Variants in DPCD observed in about 807,000 individuals in gnomAD.
DPCD encodes deleted in primary ciliary dyskinesia homolog (mouse), also known as protein DPCD.
A neutral mutation model predicts 26.4 loss-of-function variants in DPCD; 20 were observed. The observed-to-expected ratio is 0.76, with a 90% CI of 0.53 to 1.10. The LOEUF (loss-of-function observed/expected upper bound fraction) is 1.10. DPCD is among the 50% of genes least tolerant of loss of function. DPCD has a pLI of 0.00. For missense variants in DPCD, 202 were observed against 253.9 expected (o/e 0.80, Z 1.39); for synonymous variants, 97 against 94.2 (o/e 1.03, Z -0.17).
At chr10:101,601,017 C>T (rs964222761) in intron 3 of DPCD, among the ~76,000 whole-genome samples, 155 bp downstream of exon 3, 3 of 152,132 alleles carry the variant, frequency 2.0e-5, no homozygotes, top group South Asian at 2.1e-4. Context: ...TGAATGAATA[C>T]AGACATTTTG....
At chr10:101,596,409 A>G (rs987013213) in intron 2 of DPCD, among the ~76,000 whole-genome samples, 1 of 152,212 alleles carries the variant, frequency 6.6e-6, no homozygotes, top group Admixed American at 6.5e-5. Context: ...TACATTTGGA[A>G]AAAATGGAAG....
Position 101,601,488 on chromosome 10 carries a change from C to A in DPCD, c.404+152C>A. The A allele has an allele frequency of 1.2e-5, 2 of 170,892 alleles. 1 individual carries two copies. The highest frequency in any genetic ancestry group is 2.5e-5 in the Non-Finnish European group (2 of 81,134). The allele number at this position is 170,892 out of a possible 1,614,324, so 10.6% of individuals were successfully genotyped here. On this transcript the variant is annotated intron_variant, in intron 4 of 5. Coordinates refer to ENST00000370151, the MANE Select transcript of DPCD (RefSeq NM_015448.3). Reference sequence around the variant, plus strand: ...TGGAAGGGCTTCCTCTCTGCAGGACCGGCCTGAATAATGTAATCAGCTCCA... The same window carrying A: ...TGGAAGGGCTTCCTCTCTGCAGGACAGGCCTGAATAATGTAATCAGCTCCA...
chr10:101,608,725 TGTGTGGAAG>T (rs1351352869), intron 4 of DPCD, 101 bp from the exon 5 acceptor site: 11 of 710,566 alleles, frequency 1.5e-5, no homozygotes, highest in Non-Finnish European at 1.5e-5. Context: ...CCTCTCTGCG[TGTGTGGAAG>T]GTGTGGAAGA....
chr10:101,605,228 C>T lies in DPCD; in HGVS notation c.405-3607C>T, dbSNP rs551010696. 17 of 1,549,718 alleles carry T rather than the reference C, an allele frequency of 1.1e-5. No homozygotes were observed. The South Asian group carries it at 2.0e-4, about 18-fold the overall frequency. The stretch of plus-strand genomic sequence containing the variant: ...CCCCTCTGAGGTATGTGAGGCATGA[C>T]CCAAGTGATTGTCCACAGCAGCCCT... On this transcript the variant is annotated intron_variant, in intron 4 of 5. Transcript: ENST00000370151.
At chr10:101,595,280 G>T (rs1237428703) in intron 2 of DPCD, among the ~76,000 whole-genome samples, 1 of 152,088 alleles carries the variant, frequency 6.6e-6, no homozygotes, top group Non-Finnish European at 1.5e-5. Flanking sequence ...TTCCTGCAGC[G>T]CCTTTCCTCT....
At chr10:101,609,206 G>A (rs1589731595) in intron 5 of DPCD, among the ~76,000 whole-genome samples, 161 bp from the exon 6 acceptor site, 1 of 152,286 alleles carries the variant, frequency 6.6e-6, no homozygotes. Context: ...TCCAAGGTCT[G>A]CTCCTACTCA....
intron 4 of DPCD, chr10:101,605,128 G>A (rs2063724642): frequency 6.4e-7 from 1 of 1,550,560 alleles, no homozygotes; most frequent in Non-Finnish European, 8.7e-7. Context: ...TTTGCTTGCT[G>A]CTTTTCTAAA....
rs988482516 is a variant in DPCD, at chr10:101,603,496, G to A, written c.404+2160G>A. On this transcript the variant is annotated intron_variant, in intron 4 of 5. Coordinates refer to ENST00000370151, the MANE Select transcript of DPCD (RefSeq NM_015448.3). The surrounding 1 kb of genome is among the most constrained non-coding windows in gnomAD (Gnocchi z 4.6). ...GTCTTGGCTGGGCGCGGTGGCTCACGCCTGTAATCCCAGCACTCTGGGAAG... is the reference window on the plus strand; with the variant it reads ...GTCTTGGCTGGGCGCGGTGGCTCACACCTGTAATCCCAGCACTCTGGGAAG... Among the ~76,000 whole-genome samples, 22 of 151,386 alleles carry A rather than the reference G, an allele frequency of 1.5e-4. No homozygotes were observed. The highest frequency in any genetic ancestry group is 2.2e-4 in the African/African-American group (9 of 41,268).
intron 1 of DPCD, among the ~76,000 whole-genome samples, chr10:101,591,329 A>T (rs1432925351): frequency 6.6e-6 from 1 of 152,216 alleles, no homozygotes; most frequent in Non-Finnish European, 1.5e-5. Context: ...GTTTTTGGTC[A>T]CAGAAGTTTT....
chr10:101,601,058 C>A, intron 3 of DPCD, 145 bp from the exon 4 acceptor site: 1 of 1,457,824 alleles, frequency 6.9e-7, no homozygotes, highest in Non-Finnish European at 9.3e-7. Context: ...GGGCTCAGGG[C>A]CTGGAGTGCT....
In DPCD at chr10:101,600,872, T is replaced by C. The variant is rs548539421; in HGVS notation, c.270+10T>C. On this transcript the variant is annotated intron_variant, in intron 3 of 5. Transcript: ENST00000370151. The surrounding 1 kb of genome is among the most constrained non-coding windows in gnomAD (Gnocchi z 4.7). ...GGAAAGCAATGCCAATGTACGTCCATCTGTCCAGGTGTCTTGCACGGACTG... is the reference window on the plus strand; with the variant it reads ...GGAAAGCAATGCCAATGTACGTCCACCTGTCCAGGTGTCTTGCACGGACTG... 4 of 1,613,970 alleles carry C rather than the reference T, an allele frequency of 2.5e-6. No homozygotes were observed. Among genetic ancestry groups the C allele is most frequent in the Non-Finnish European group, 3.4e-6 (4 of 1,180,002 alleles).
intron 1 of DPCD, among the ~76,000 whole-genome samples, chr10:101,591,888 G>A (rs2063611678): frequency 6.6e-6 from 1 of 151,968 alleles, no homozygotes. Flanking sequence ...GTTTCACCAT[G>A]TTAACCAGGC....
At chr10:101,593,125 G>A (rs1039173339) in intron 1 of DPCD, among the ~76,000 whole-genome samples, 4 of 152,100 alleles carry the variant, frequency 2.6e-5, no homozygotes, top group Non-Finnish European at 4.4e-5. Context: ...TTTAGTAAGC[G>A]CTGCATCCTG....
chr10:101,591,966 G>A (rs2063612389), intron 1 of DPCD, among the ~76,000 whole-genome samples: 2 of 152,096 alleles, frequency 1.3e-5, no homozygotes, highest in Admixed American at 6.5e-5. Context: ...GATTACAGGC[G>A]TGAGCCGCCT....
At chr10:101,589,422 C>G (rs1245066598) in intron 1 of DPCD, among the ~76,000 whole-genome samples, 1 of 152,130 alleles carries the variant, frequency 6.6e-6, no homozygotes, top group African/African-American at 2.4e-5. Context: ...GAAGACCCAA[C>G]AGAAGTGATG....
chr10:101,601,229 G>C lies in DPCD; in HGVS notation c.297G>C (p.Lys99Asn), dbSNP rs774679008. Residue 99 changes from lysine (K) to asparagine (N), a missense_variant, in exon 4 of 6, where the codon AAG becomes AAC. Around this residue, in one of 3 missense-constraint regions of DPCD, gnomAD observed 118 missense variants for 145.1 expected, o/e 0.81. Transcript: ENST00000370151. ...ANPIFMRKDTKMSFQWRIRNL... is the reference protein window; with the variant it reads ...ANPIFMRKDTNMSFQWRIRNL... ...CTATCTTCATGCGCAAGGACACCAA[G>C]ATGAGTTTCCAGTGGCGGATTCGAA... The C allele has an allele frequency of 4.1e-5, 66 of 1,613,718 alleles. No homozygotes were observed. The highest frequency in any genetic ancestry group is 5.5e-5 in the Non-Finnish European group (65 of 1,179,942).
chr10:101,605,175 C>G, intron 4 of DPCD: 2 of 1,550,492 alleles, frequency 1.3e-6, no homozygotes, highest in Non-Finnish European at 1.7e-6. Context: ...ACCCCTCTGG[C>G]CATGCGGTGT....
chr10:101,588,577 A>G, intron 1 of DPCD, 177 bp downstream of exon 1: 1 of 1,428,988 alleles, frequency 7.0e-7, no homozygotes, highest in Non-Finnish European at 9.1e-7. Flanking sequence ...ACTGGAACAC[A>G]TGTCTCCGGA....
At position 101,603,897 on chromosome 10, in the gene DPCD, C is replaced by T. The variant is rs931297953; in HGVS notation, c.404+2561C>T. 2.0e-5 allele frequency among the ~76,000 whole-genome samples: 3 copies of T among 152,192 alleles called. No homozygotes were observed. Among genetic ancestry groups the T allele is most frequent in the East Asian group, 1.9e-4 (1 of 5,188 alleles). ...CCTCCTGAGAAGCTGGGACTATAGG[C>T]GCATACCACCCAATCTGGCCAAGTT... is the stretch of plus-strand genomic sequence containing the variant. On this transcript the variant is annotated intron_variant, in intron 4 of 5. Transcript: ENST00000370151. The surrounding 1 kb of genome is among the most constrained non-coding windows in gnomAD (Gnocchi z 4.6).
Sources: gnomAD v4.1 joint callset for allele counts (sites outside exome capture counted in the v4.1 genomes callset) on GRCh38, gnomAD v4.1.1 for gene constraint, gnomAD v4.1.1 regional missense constraint, Gnocchi (gnomAD v3.1) non-coding constraint, MANE v1.5 for transcripts, NCBI Gene and HGNC (gene_info 2026-07-23, HGNC 2026-07-21) for gene names.